The following NEK11 variants were observed in gnomAD, a reference collection of about 807,000 sequenced individuals.
NEK11 encodes NIMA related kinase 11.
Under a neutral mutation model 80.7 loss-of-function variants are expected in NEK11, and 72 were observed. That is an observed-to-expected ratio of 0.89 (90% CI 0.74 to 1.08). The LOEUF (loss-of-function observed/expected upper bound fraction) is 1.08. NEK11 is among the 50% of genes least tolerant of loss of function. NEK11 has a pLI of 0.00. For missense variants in NEK11, 764 were observed against 763.6 expected (o/e 1.00, Z -0.01); for synonymous variants, 251 against 260.7 (o/e 0.96, Z 0.36).
intron 17 of NEK11, among the ~76,000 whole-genome samples, chr3:131,308,445 G>A (rs1234023376): frequency 6.6e-6 from 1 of 152,170 alleles, no homozygotes; most frequent in Non-Finnish European, 1.5e-5. Flanking sequence ...TGCAAAAATA[G>A]ATAAAAACAA....
chr3:131,076,567 GATAA>G (rs2074389431), intron 3 of NEK11, among the ~76,000 whole-genome samples: 1 of 152,034 alleles, frequency 6.6e-6, no homozygotes, highest in Non-Finnish European at 1.5e-5. Flanking sequence ...ACAGGCAAAT[GATAA>G]ATAAAAAAAC....
At chr3:131,226,222 G>A (rs1236661613) in intron 14 of NEK11, among the ~76,000 whole-genome samples, 2 of 152,166 alleles carry the variant, frequency 1.3e-5, no homozygotes, top group African/African-American at 4.8e-5. Context: ...GCAAGCACAT[G>A]TCCCTACTTG....
At chr3:131,281,048 TCTC>T (rs1183189591) in intron 17 of NEK11, among the ~76,000 whole-genome samples, 4 of 152,210 alleles carry the variant, frequency 2.6e-5, no homozygotes, top group South Asian at 2.1e-4. Flanking sequence ...AGCTCAGTAA[TCTC>T]CTCACATGCA....
At position 131,128,407 on chromosome 3, in the gene NEK11, A is replaced by G. The variant is rs78012053; in HGVS notation, c.456-4338A>G. Among the ~76,000 whole-genome samples the G allele has an allele frequency of 3.0e-3, 457 of 152,320 alleles. 15 individuals carry two copies. The East Asian group carries it at 0.079, about 26-fold the overall frequency. On this transcript the variant is annotated intron_variant, in intron 5 of 17. Transcript: ENST00000383366. ...CAGATTGTCATATAGCTGGAATCAT[A>G]TATAGATTTCTCAGGCTGACTTCTT...
intron 3 of NEK11, among the ~76,000 whole-genome samples, chr3:131,056,492 A>G (rs1418683391): frequency 6.6e-6 from 1 of 152,208 alleles, no homozygotes; most frequent in African/African-American, 2.4e-5. Flanking sequence ...AAGCATCCAG[A>G]CACTCTCATT....
At chr3:131,049,994 A>G (rs369686506) in intron 3 of NEK11, among the ~76,000 whole-genome samples, 27 of 152,100 alleles carry the variant, frequency 1.8e-4, no homozygotes, top group African/African-American at 6.5e-4. Flanking sequence ...AGGCATTAAT[A>G]TGGCCCCTAT....
intron 17 of NEK11, among the ~76,000 whole-genome samples, chr3:131,333,261 C>T (rs983030248): frequency 0.015 from 2,348 of 151,650 alleles, 55 homozygotes; most frequent in African/African-American, 0.053. Context: ...AGACTACCAG[C>T]GGATCTCTCG....
intron 14 of NEK11, among the ~76,000 whole-genome samples, chr3:131,211,073 G>C (rs1442826223): frequency 6.6e-6 from 1 of 152,086 alleles, no homozygotes; most frequent in South Asian, 2.1e-4. Flanking sequence ...TAGCATTGAT[G>C]GTCTTTACAA....
At chr3:131,336,037 T>A (rs2097177702) in intron 17 of NEK11, among the ~76,000 whole-genome samples, 2 of 152,214 alleles carry the variant, frequency 1.3e-5, no homozygotes, top group African/African-American at 4.8e-5. Context: ...AAAACGGCCA[T>A]GCTGCCCAAG....
intron 17 of NEK11, among the ~76,000 whole-genome samples, chr3:131,321,552 A>G (rs955044600): frequency 6.6e-6 from 1 of 152,190 alleles, no homozygotes; most frequent in Non-Finnish European, 1.5e-5. Context: ...AACTATCAAC[A>G]GAGTAAACAG....
chr3:131,158,389 G>A (rs1349175103), intron 10 of NEK11, among the ~76,000 whole-genome samples: 2 of 152,136 alleles, frequency 1.3e-5, no homozygotes, highest in South Asian at 2.1e-4. Context: ...TGCTACTGCT[G>A]CTGACAGGAG....
intron 14 of NEK11, among the ~76,000 whole-genome samples, chr3:131,203,710 A>G (rs1385296826): frequency 6.9e-6 from 1 of 144,768 alleles, no homozygotes; most frequent in Non-Finnish European, 1.5e-5. Context: ...ATATATGTAT[A>G]TATGTATATT....
At chr3:131,027,048 G>A (rs1482808815) in intron 1 of NEK11, 42 bp downstream of exon 1, 1 of 152,294 alleles carries the variant, frequency 6.6e-6, no homozygotes, top group Non-Finnish European at 1.5e-5. Flanking sequence ...AGGCTCCCCT[G>A]CGAGGGGGAA....
At chr3:131,191,854 C>T (rs956403839) in intron 14 of NEK11, among the ~76,000 whole-genome samples, 1 of 152,058 alleles carries the variant, frequency 6.6e-6, no homozygotes, top group African/African-American at 2.4e-5. Flanking sequence ...TATAAAAACA[C>T]ATAGAAGAAA....
intron 5 of NEK11, among the ~76,000 whole-genome samples, chr3:131,116,516 G>C (rs1387292664): frequency 1.3e-5 from 2 of 152,160 alleles, no homozygotes; most frequent in Non-Finnish European, 2.9e-5. Context: ...GGGTCAAATG[G>C]TATTTCTAGT....
In NEK11 at chr3:131,310,920, C is replaced by T. The variant is rs148978371; in HGVS notation, c.1718+37346C>T. ...CTAGTAATTGCTTCTAGCTCCACAG[C>T]ATGAGCATCATAGACCTCCTTCCTA... On this transcript the variant is annotated intron_variant, in intron 17 of 17. Transcript: ENST00000383366. Among the ~76,000 whole-genome samples the T allele has an allele frequency of 1.9e-4, 29 of 152,290 alleles. No individual in the cohort carries two copies. The East Asian group carries it at 4.6e-3, about 24-fold the overall frequency.
At chr3:131,068,402 C>T (rs140848521) in intron 3 of NEK11, among the ~76,000 whole-genome samples, 198 of 152,310 alleles carry the variant, frequency 1.3e-3, no homozygotes, top group African/African-American at 4.6e-3. Context: ...GCTCTAAGAC[C>T]CTGTGTCCCT....
At chr3:131,144,501 G>A (rs1175771833) in intron 7 of NEK11, among the ~76,000 whole-genome samples, 1 of 152,104 alleles carries the variant, frequency 6.6e-6, no homozygotes, top group Non-Finnish European at 1.5e-5. Flanking sequence ...ATATGGAAAT[G>A]TCTGGTTGGA....
In NEK11 at chr3:131,152,624, A is replaced by G. The variant is rs751831736; in HGVS notation, c.798-7A>G. On this transcript the variant is annotated splice_polypyrimidine_tract_variant and splice_region_variant and intron_variant, in intron 8 of 17. Coordinates refer to ENST00000383366, the MANE Select transcript of NEK11 (RefSeq NM_024800.5). Reference sequence around the variant, plus strand: ...CTGAAAAATAATTTTCTGTTTAAACATTACAGCATGTTGAACAAGAATCCT... The same window carrying G: ...CTGAAAAATAATTTTCTGTTTAAACGTTACAGCATGTTGAACAAGAATCCT... 2.4e-5 allele frequency: 39 copies of G among 1,611,864 alleles called. 1 individual carries two copies. Among genetic ancestry groups the G allele is most frequent in the Middle Eastern group, 1.7e-4 (1 of 6,050 alleles).
Sources: allele counts gnomAD v4.1 joint callset (sites outside exome capture counted in the v4.1 genomes callset), GRCh38; gene constraint gnomAD v4.1.1; transcripts MANE v1.5; gene names NCBI Gene and HGNC (gene_info 2026-07-23, HGNC 2026-07-21).